The following MEGF10 variants were observed in gnomAD, a reference collection of about 807,000 sequenced individuals.
The protein encoded by MEGF10 is multiple epidermal growth factor-like domains protein 10.
In MEGF10, 86 loss-of-function variants were observed where a neutral mutation model predicts 147.5. That is an observed-to-expected ratio of 0.58 (90% confidence interval 0.49 to 0.70). The LOEUF is 0.70. Among genes scored for constraint, MEGF10 ranks in the 30% least tolerant of loss-of-function variants. The pLI is 0.00. For missense variants in MEGF10, 1,329 were observed against 1,487.3 expected, an observed-to-expected ratio of 0.89 and a Z score of 1.75; for synonymous variants, 478 against 525.5, an observed-to-expected ratio of 0.91 and a Z score of 1.24.
chr5:127,396,568 G>T lies in MEGF10; in HGVS notation c.449G>T (p.Ser150Ile). Residue 150 changes from serine to isoleucine, a missense_variant, in exon 6 of 25, where the codon AGC becomes ATC. By Grantham distance (142) the Ser-to-Ile change is moderately radical. This residue lies in a region of MEGF10 where 980 missense variants were observed against 1,085.9 expected (regional missense o/e 0.90). Coordinates refer to ENST00000503335, the MANE Select transcript of MEGF10 (RefSeq NM_001256545.2). ...GATCACTGGGGTCCCCACTGCACCA[G>T]CCGGTGCCAGTGCAAAAATGGGGCT... ...DGDHWGPHCT[S>I]RCQCKNGALC... 1.3e-6 allele frequency: 2 copies of T among 1,592,716 alleles called. No homozygotes were observed. The highest frequency in any genetic ancestry group is 1.7e-6 in the Non-Finnish European group (2 of 1,166,682).
At chr5:127,356,727 T>C (rs1762293731) in intron 4 of MEGF10, among the ~76,000 whole-genome samples, 1 of 152,158 alleles carries the variant, frequency 6.6e-6, no homozygotes, top group African/African-American at 2.4e-5. Flanking sequence ...ATCCTAGGCA[T>C]TATCTGTAGT....
intron 13 of MEGF10, 118 bp downstream of exon 13, chr5:127,422,890 G>A (rs1765072245): frequency 1.5e-5 from 11 of 755,100 alleles, no homozygotes; most frequent in Non-Finnish European, 2.2e-5. Context: ...ATGAAAATTC[G>A]ATAAGGTTTC....
intron 9 of MEGF10, among the ~76,000 whole-genome samples, chr5:127,415,059 A>G (rs1192224581): frequency 6.6e-6 from 1 of 150,804 alleles, no homozygotes; most frequent in East Asian, 1.9e-4. Flanking sequence ...GCCCATGTGG[A>G]CGCCCCTAAA....
At chr5:127,451,328 G>A (rs1766147291) in intron 22 of MEGF10, among the ~76,000 whole-genome samples, 1 of 152,128 alleles carries the variant, frequency 6.6e-6, no homozygotes, top group African/African-American at 2.4e-5. Context: ...TGTTTTACTG[G>A]TGAATACAAA....
intron 12 of MEGF10, among the ~76,000 whole-genome samples, 180 bp downstream of exon 12, chr5:127,420,387 A>G (rs534278606): frequency 3.3e-5 from 5 of 152,276 alleles, no homozygotes; most frequent in African/African-American, 9.6e-5. Context: ...AGAGATAGAC[A>G]TGGAAACTGG....
Position 127,294,835 on chromosome 5 carries a change from T to TAATAATTATAATAAA in MEGF10, c.-19+3781_-19+3782insTAATTATAATAAAAA, listed in dbSNP as rs56033520. Among the ~76,000 whole-genome samples, 343 of 143,132 alleles carry TAATAATTATAATAAA rather than the reference T, an allele frequency of 2.4e-3. 2 individuals are homozygous for TAATAATTATAATAAA. The highest frequency in any genetic ancestry group is 8.7e-3 in the African/African-American group (334 of 38,480). 93.9% of individuals were successfully genotyped at this position (143,132 alleles called of 152,430 possible). On this transcript the variant is annotated intron_variant, in intron 1 of 24. Coordinates refer to ENST00000503335, the MANE Select transcript of MEGF10 (RefSeq NM_001256545.2). ...ATAATAATAATAATAATAATAATAATAAATAACTTGGAGTAGAAAAAGGAC... is the reference window on the plus strand; with the variant it reads ...ATAATAATAATAATAATAATAATAATAATAATTATAATAAAAAATAACTTGGAGTAGAAAAAGGAC...
chr5:127,353,449 A>G (rs1306863031), intron 4 of MEGF10, among the ~76,000 whole-genome samples: 1 of 152,242 alleles, frequency 6.6e-6, no homozygotes, highest in Non-Finnish European at 1.5e-5. Flanking sequence ...CAGAGTGGGA[A>G]GTTGGCAGCT....
chr5:127,392,152 A>C (rs1349413149), intron 5 of MEGF10, among the ~76,000 whole-genome samples: 1 of 152,208 alleles, frequency 6.6e-6, no homozygotes, highest in Non-Finnish European at 1.5e-5. Flanking sequence ...GCTGGGGAGT[A>C]CTGAGGGAGC....
intron 14 of MEGF10, 114 bp downstream of exon 14, chr5:127,433,623 G>T: frequency 7.9e-7 from 1 of 1,258,190 alleles, no homozygotes; most frequent in South Asian, 1.5e-5. Flanking sequence ...GCAGTTGAAG[G>T]CAAAAGAGAG....
chr5:127,279,689 C>G, the MEGF10 span, among the ~76,000 whole-genome samples: 1 of 152,096 alleles, frequency 6.6e-6, no homozygotes, highest in Non-Finnish European at 1.5e-5. Flanking sequence ...TACTCTGTGT[C>G]AAATACTTCT....
Position 127,433,464 on chromosome 5 carries a change from A to G in MEGF10, c.1795A>G (p.Ile599Val). 1 of 1,613,786 alleles carries G rather than the reference A, an allele frequency of 6.2e-7. No individual in the cohort carries two copies. Among genetic ancestry groups the G allele is most frequent in the Admixed American group, 1.7e-5 (1 of 59,984 alleles). Residue 599 changes from isoleucine to valine, a missense_variant, in exon 14 of 25, where the codon ATC becomes GTC. Ile to Val is a conservative substitution (Grantham distance 29, BLOSUM62 3). Coordinates refer to ENST00000503335, the MANE Select transcript of MEGF10 (RefSeq NM_001256545.2). ...NGASCSPDDG[I>V]CECAPGFRGT... is the part of the protein sequence containing the mutation. ...GGCTTCATGCTCCCCTGATGATGGC[A>G]TCTGCGAGTGTGCACCAGGCTTCCG...
At position 127,455,617 on chromosome 5, in the gene MEGF10, C is replaced by A. The variant is rs113861962; in HGVS notation, c.3232+10C>A. 1.1e-5 allele frequency: 18 copies of A among 1,612,798 alleles called. No homozygotes were observed. The highest frequency in any genetic ancestry group is 1.7e-6 in the Non-Finnish European group (2 of 1,179,168). On this transcript the variant is annotated intron_variant, in intron 24 of 24. Transcript: ENST00000503335. ...AATGTCTATGAAGTTGGTGAGTTCC[C>A]TTAACCATAGAAAGAACCGAGTGCT...
At chr5:127,445,960 A>T (rs1765929056) in intron 20 of MEGF10, among the ~76,000 whole-genome samples, 1 of 152,174 alleles carries the variant, frequency 6.6e-6, no homozygotes, top group Non-Finnish European at 1.5e-5. Context: ...ATCCATAAGG[A>T]GCTTTGTATC....
intron 1 of MEGF10, among the ~76,000 whole-genome samples, chr5:127,310,788 G>A (rs543220510): frequency 2.6e-5 from 4 of 152,312 alleles, no homozygotes; most frequent in African/African-American, 9.6e-5. Context: ...GCTAAGGAGA[G>A]AAAGGGCAGG....
chr5:127,383,432 C>T (rs992734409), intron 5 of MEGF10, among the ~76,000 whole-genome samples: 1 of 151,894 alleles, frequency 6.6e-6, no homozygotes, highest in Admixed American at 6.6e-5. Context: ...CATGCCACTG[C>T]ACTCCAGCCT....
rs959051009 is a variant in MEGF10 at position 127,459,319 on chromosome 5, A to G, written c.*2001A>G. ...GTTCATTTTGAGGAACTCCAAAGTC[A>G]ATTCAAGGAAATAAGGAATGACCTG... is the stretch of plus-strand genomic sequence containing the variant. On this transcript the variant is annotated 3_prime_UTR_variant, in exon 25 of 25. Transcript: ENST00000503335. 3.3e-5 allele frequency: 5 copies of G among 152,210 alleles called. No individual in the cohort carries two copies. Among genetic ancestry groups the G allele is most frequent in the Non-Finnish European group, 7.3e-5 (5 of 68,042 alleles). 9.4% of individuals were successfully genotyped at this position (152,210 alleles called of 1,614,324 possible). A position where few individuals can be genotyped will look rare whatever the true frequency, so the allele number is the denominator to read the frequency against.
chr5:127,244,617 A>G, the MEGF10 span, among the ~76,000 whole-genome samples: 3 of 152,208 alleles, frequency 2.0e-5, no homozygotes, highest in Middle Eastern at 3.4e-3. Context: ...ACTAGGAAAA[A>G]ATGTCACCCC....
chr5:127,428,105 T>A (rs999320425), intron 13 of MEGF10, among the ~76,000 whole-genome samples: 7 of 150,888 alleles, frequency 4.6e-5, no homozygotes, highest in Admixed American at 2.0e-4. Flanking sequence ...CTTGCTTTTA[T>A]CTGGGTCCAG....
Position 127,439,939 on chromosome 5 carries a change from G to A in MEGF10, c.2234-800G>A, listed in dbSNP as rs2127013954. 1.3e-5 allele frequency among the ~76,000 whole-genome samples: 2 copies of A among 152,298 alleles called. 1 individual carries two copies. The highest frequency in any genetic ancestry group is 3.9e-4 in the East Asian group (2 of 5,188). ...GAGTCATCGGTGCATACTGGCATCT[G>A]GGCACTGCCTCTGCTTCTTGAAAGT... On this transcript the variant is annotated intron_variant, in intron 17 of 24. Coordinates refer to ENST00000503335, the MANE Select transcript of MEGF10 (RefSeq NM_001256545.2).
Sources: gnomAD v4.1 joint callset for allele counts (sites outside exome capture counted in the v4.1 genomes callset) on GRCh38, gnomAD v4.1.1 for gene constraint, gnomAD v4.1.1 regional missense constraint, MANE v1.5 for transcripts, NCBI Gene and HGNC (gene_info 2026-07-23, HGNC 2026-07-21) for gene names.